RYR3: variants seen among roughly 807,000 people sequenced by gnomAD.
RYR3 encodes brain ryanodine receptor-calcium release channel.
In RYR3, 207 loss-of-function variants were observed where a neutral mutation model predicts 584.3. That is an observed-to-expected ratio of 0.35 (90% CI 0.32 to 0.40). The LOEUF is 0.40. RYR3 is among the 10% of genes least tolerant of loss of function. The pLI, the probability that RYR3 is intolerant of heterozygous loss-of-function variation, is 1.00. For synonymous variants in RYR3, 2,416 were observed against 2,248.5 expected (o/e 1.07, Z -2.11); for missense variants, 5,616 against 6,089.2 (o/e 0.92, Z 2.59).
intron 70 of RYR3, 128 bp from the exon 71 acceptor site, chr15:33,810,351 C>T (rs927111854): frequency 4.9e-6 from 4 of 810,588 alleles, no homozygotes; most frequent in Non-Finnish European, 7.8e-6. Context: ...TTTCACTGTC[C>T]TTTGAAGTGT....
rs551806387 is a variant in RYR3, at chr15:33,784,390, G to T, written c.9269-1272G>T. On this transcript the variant is annotated intron_variant, in intron 65 of 103. Transcript: ENST00000634891. ...CCTCAAGCCAATGGTAATCCCAATGGCAAAGGGCCTTGCAGGCATAACCCA... is the reference window on the plus strand; with the variant it reads ...CCTCAAGCCAATGGTAATCCCAATGTCAAAGGGCCTTGCAGGCATAACCCA... 7.2e-5 allele frequency among the ~76,000 whole-genome samples: 11 copies of T among 152,314 alleles called. No homozygotes were observed. In the East Asian group the frequency reaches 1.9e-3, roughly 27 times the overall value.
intron 48 of RYR3, among the ~76,000 whole-genome samples, chr15:33,734,698 T>C (rs949755573): frequency 2.7e-5 from 4 of 146,214 alleles, no homozygotes; most frequent in Non-Finnish European, 4.5e-5. Flanking sequence ...CTTTTTTTTT[T>C]TTTTTTTTTG....
chr15:33,401,661 C>T (rs1163636702), intron 1 of RYR3, among the ~76,000 whole-genome samples: 1 of 152,192 alleles, frequency 6.6e-6, no homozygotes, highest in Admixed American at 6.5e-5. Flanking sequence ...GATATGTCAC[C>T]TTTAAGACGT....
chr15:33,724,967 G>A lies in RYR3; in HGVS notation c.6912+791G>A, dbSNP rs923717049. Among the ~76,000 whole-genome samples the A allele has an allele frequency of 7.9e-5, 12 of 152,154 alleles. No individual in the cohort carries two copies. The South Asian group carries it at 1.5e-3, about 18-fold the overall frequency. Reference sequence around the variant, plus strand: ...CACTAAGGTGTTCTACAGTCTTGGCGGGGGTGGAGAGGGTCAGAGACCCCT... The same window carrying A: ...CACTAAGGTGTTCTACAGTCTTGGCAGGGGTGGAGAGGGTCAGAGACCCCT... On this transcript the variant is annotated intron_variant, in intron 45 of 103. Coordinates refer to ENST00000634891, the MANE Select transcript of RYR3 (RefSeq NM_001036.6).
chr15:33,363,028 T>C (rs2141021685), intron 1 of RYR3, among the ~76,000 whole-genome samples: 1 of 152,282 alleles, frequency 6.6e-6, no homozygotes, highest in South Asian at 2.1e-4. Context: ...CTTCTTCATA[T>C]CCTCACCCTG....
At chr15:33,461,271 C>T (rs986089826) in intron 1 of RYR3, among the ~76,000 whole-genome samples, 7 of 152,100 alleles carry the variant, frequency 4.6e-5, no homozygotes, top group African/African-American at 1.2e-4. Context: ...TAACCACAGA[C>T]TAGACCCTGG....
At position 33,865,482 on chromosome 15, in the gene RYR3, T is replaced by C. The variant is rs1417125505; in HGVS notation, c.*256T>C. 3 of 419,720 alleles carry C rather than the reference T, an allele frequency of 7.1e-6. No individual in the cohort carries two copies. The highest frequency in any genetic ancestry group is 4.3e-6 in the Non-Finnish European group (1 of 234,648). 26.0% of individuals were successfully genotyped at this position (419,720 alleles called of 1,614,324 possible). ...TCAAGTAATCTCTAGGCAAATGCCTTCAAGTTTTCCAGTTCTGAGGTAACT... is the reference window on the plus strand; with the variant it reads ...TCAAGTAATCTCTAGGCAAATGCCTCCAAGTTTTCCAGTTCTGAGGTAACT... On this transcript the variant is annotated 3_prime_UTR_variant, in exon 104 of 104. Coordinates refer to ENST00000634891, the MANE Select transcript of RYR3 (RefSeq NM_001036.6).
At chr15:33,805,992 T>C (rs2076187083) in intron 69 of RYR3, among the ~76,000 whole-genome samples, 1 of 147,714 alleles carries the variant, frequency 6.8e-6, no homozygotes, top group Admixed American at 6.8e-5. Flanking sequence ...CTTCCTTCCC[T>C]CCTGCCCTCC....
At chr15:33,659,651 C>A in intron 32 of RYR3, 69 bp from the exon 33 acceptor site, 2 of 997,014 alleles carry the variant, frequency 2.0e-6, no homozygotes, top group Non-Finnish European at 1.6e-6. Context: ...ACCAAAACAC[C>A]CAATGGCTGA....
intron 2 of RYR3, among the ~76,000 whole-genome samples, chr15:33,473,873 G>GT (rs1012756627): frequency 2.6e-5 from 4 of 152,154 alleles, no homozygotes; most frequent in African/African-American, 9.7e-5. Context: ...AGAAATCTGA[G>GT]TGTGTGTTCT....
chr15:33,610,006 G>A (rs1380458204), intron 18 of RYR3, among the ~76,000 whole-genome samples: 4 of 152,058 alleles, frequency 2.6e-5, no homozygotes, highest in Non-Finnish European at 5.9e-5. Flanking sequence ...TTTCTCAGTG[G>A]TGAAGCAAGG....
At chr15:33,823,901 C>T (rs2077238891) in intron 81 of RYR3, among the ~76,000 whole-genome samples, 2 of 152,120 alleles carry the variant, frequency 1.3e-5, no homozygotes, top group Non-Finnish European at 2.9e-5. Context: ...GTCATCCTTT[C>T]TCTTGGTGGA....
At chr15:33,697,554 A>C (rs1056131464) in intron 39 of RYR3, among the ~76,000 whole-genome samples, 1 of 152,206 alleles carries the variant, frequency 6.6e-6, no homozygotes, top group Admixed American at 6.5e-5. Context: ...TAATGTCGTG[A>C]GTTTTTAAAG....
chr15:33,625,323 G>T (rs143206475), intron 20 of RYR3, among the ~76,000 whole-genome samples: 2,967 of 152,290 alleles, frequency 0.019, 87 homozygotes, highest in African/African-American at 0.067. Flanking sequence ...GATGATATTT[G>T]GGTGGGGACA....
chr15:33,489,435 A>T (rs2050779396), intron 2 of RYR3, among the ~76,000 whole-genome samples: 1 of 152,066 alleles, frequency 6.6e-6, no homozygotes, highest in Non-Finnish European at 1.5e-5. Flanking sequence ...TTTAGCTCCC[A>T]CTTTTAAGTG....
chr15:33,686,748 G>C (rs984076083), intron 38 of RYR3, among the ~76,000 whole-genome samples: 1 of 152,204 alleles, frequency 6.6e-6, no homozygotes, highest in Non-Finnish European at 1.5e-5. Flanking sequence ...TCATCCCTGG[G>C]ATGCAAGGCT....
rs56260962 is a variant in RYR3 at position 33,841,691 on chromosome 15, T to C, written c.13038-173T>C. 36 of 596,874 alleles carry C rather than the reference T, an allele frequency of 6.0e-5. No homozygotes were observed. The African/African-American group carries it at 6.5e-4, about 11-fold the overall frequency. The allele number at this position is 596,874 out of a possible 1,614,324, so 37.0% of individuals were successfully genotyped here. A position where few individuals can be genotyped will look rare whatever the true frequency, so the allele number is the denominator to read the frequency against. On this transcript the variant is annotated intron_variant, in intron 90 of 103. Coordinates refer to ENST00000634891, the MANE Select transcript of RYR3 (RefSeq NM_001036.6). ...AAGATCATGGCTCATCCTCATTGAA[T>C]ATAAATTTAATGTCCAGCCACTGTG... is the stretch of plus-strand genomic sequence containing the variant.
chr15:33,795,670 A>G (rs1458912994), intron 67 of RYR3, among the ~76,000 whole-genome samples: 1 of 151,984 alleles, frequency 6.6e-6, no homozygotes, highest in Non-Finnish European at 1.5e-5. Context: ...CTGAGATTAC[A>G]GGTATGCACC....
chr15:33,529,561 C>G (rs1476329715), intron 3 of RYR3, among the ~76,000 whole-genome samples: 1 of 152,106 alleles, frequency 6.6e-6, no homozygotes, highest in East Asian at 1.9e-4. Context: ...AAGAAAAATG[C>G]TAGAATTATC....
Sources: allele counts gnomAD v4.1 joint callset (sites outside exome capture counted in the v4.1 genomes callset), GRCh38; gene constraint gnomAD v4.1.1; transcripts MANE v1.5; gene names NCBI Gene and HGNC (gene_info 2026-07-23, HGNC 2026-07-21).